The following NEK7 variants were observed in gnomAD, a reference collection of about 807,000 sequenced individuals.
NEK7 encodes NIMA related kinase 7.
Under a neutral mutation model 44.6 loss-of-function variants are expected in NEK7, and 18 were observed. That is an observed-to-expected ratio of 0.40 (90% CI 0.28 to 0.60). The LOEUF is 0.60. NEK7 is among the 20% of genes least tolerant of loss of function. The pLI is 0.38. For missense variants in NEK7, 256 were observed against 366.5 expected, an observed-to-expected ratio of 0.70 and a Z score of 2.46; for synonymous variants, 130 against 121.1, an observed-to-expected ratio of 1.07 and a Z score of -0.48.
intron 1 of NEK7, among the ~76,000 whole-genome samples, chr1:198,173,624 A>G (rs1664515763): frequency 1.3e-5 from 2 of 152,156 alleles, no homozygotes; most frequent in East Asian, 1.9e-4. Context: ...AGTATAGACC[A>G]TCTTTATGAC....
At chr1:198,278,536 C>T (rs538238711) in intron 6 of NEK7, among the ~76,000 whole-genome samples, 1 of 151,708 alleles carries the variant, frequency 6.6e-6, no homozygotes, top group African/African-American at 2.4e-5. Context: ...TTTTTAAAGC[C>T]ATCTAAGTAA....
At chr1:198,300,663 A>G (rs1654856312) in intron 9 of NEK7, among the ~76,000 whole-genome samples, 1 of 151,750 alleles carries the variant, frequency 6.6e-6, no homozygotes, top group Non-Finnish European at 1.5e-5. Context: ...TCTGCTGCTT[A>G]TCTGTATATC....
At chr1:198,172,595 G>A (rs1245755087) in intron 1 of NEK7, among the ~76,000 whole-genome samples, 1 of 152,190 alleles carries the variant, frequency 6.6e-6, no homozygotes, top group Non-Finnish European at 1.5e-5. Context: ...TCTTGGTGCT[G>A]AGACAGTCAG....
Position 198,233,735 on chromosome 1 carries a change from C to T in NEK7, c.57+1098C>T, listed in dbSNP as rs114901270. Among the ~76,000 whole-genome samples the T allele has an allele frequency of 9.1e-3, 1,251 of 136,844 alleles. 22 individuals carry two copies. Among genetic ancestry groups the T allele is most frequent in the African/African-American group, 0.033 (1,193 of 36,622 alleles). 89.8% of individuals were successfully genotyped at this position (136,844 alleles called of 152,430 possible). On this transcript the variant is annotated intron_variant, in intron 2 of 9. Coordinates refer to ENST00000367385, the MANE Select transcript of NEK7 (RefSeq NM_133494.3). ...TGTAGTGTTTTCCAAACTTATTTGT[C>T]TATGGGATCCTTTTTTTTTTTTTTT...
At chr1:198,256,202 T>G in intron 3 of NEK7, 1,398 of 1,105,032 alleles carry the variant, frequency 1.3e-3, no homozygotes, top group Non-Finnish European at 1.5e-3. Flanking sequence ...AAATTTTTAA[T>G]GAGATACCAT....
chr1:198,252,993 C>A, intron 2 of NEK7, 47 bp from the exon 3 acceptor site: 1 of 1,513,768 alleles, frequency 6.6e-7, no homozygotes, highest in Non-Finnish European at 9.1e-7. Flanking sequence ...GTGTGTATTG[C>A]GTGTATATTG....
At chr1:198,315,441 C>A (rs879859432) in intron 9 of NEK7, among the ~76,000 whole-genome samples, 13 of 152,198 alleles carry the variant, frequency 8.5e-5, no homozygotes, top group Non-Finnish European at 1.6e-4. Flanking sequence ...TGTTCCTATT[C>A]GGCCATCTTG....
At chr1:198,237,588 T>G (rs188946906) in intron 2 of NEK7, among the ~76,000 whole-genome samples, 5 of 152,308 alleles carry the variant, frequency 3.3e-5, no homozygotes, top group African/African-American at 1.2e-4. Context: ...ATTTAGAATT[T>G]GAGCACTTCT....
At chr1:198,308,765 C>T in intron 9 of NEK7, among the ~76,000 whole-genome samples, 2 of 152,124 alleles carry the variant, frequency 1.3e-5, no homozygotes, top group South Asian at 4.1e-4. Context: ...TGCATAAGTA[C>T]TTGCCATTGC....
In NEK7 at chr1:198,250,166, G is replaced by A. The variant is rs1250766683; in HGVS notation, c.58-2874G>A. 2.0e-5 allele frequency among the ~76,000 whole-genome samples: 3 copies of A among 150,164 alleles called. No homozygotes were observed. The South Asian group carries it at 6.4e-4, about 32-fold the overall frequency. On this transcript the variant is annotated intron_variant, in intron 2 of 9. Transcript: ENST00000367385. ...TTTCCCCATTGCTTGTTTTTCTCAG[G>A]TTTGTCAAAGATCAGATAGTTGTAG...
intron 5 of NEK7, among the ~76,000 whole-genome samples, chr1:198,269,070 T>C (rs1298555197): frequency 6.6e-6 from 1 of 152,100 alleles, no homozygotes; most frequent in Non-Finnish European, 1.5e-5. Flanking sequence ...TGTATTCATG[T>C]GTGTAATTAT....
chr1:198,219,047 T>A (rs1666009424), intron 1 of NEK7, among the ~76,000 whole-genome samples: 2 of 151,822 alleles, frequency 1.3e-5, no homozygotes, highest in South Asian at 4.1e-4. Flanking sequence ...ATCTAGTAAT[T>A]CCACTGATGG....
chr1:198,180,938 T>C (rs1664747042), intron 1 of NEK7, among the ~76,000 whole-genome samples: 1 of 152,056 alleles, frequency 6.6e-6, no homozygotes, highest in African/African-American at 2.4e-5. Flanking sequence ...CATAATATGA[T>C]TGACTTATTT....
intron 2 of NEK7, among the ~76,000 whole-genome samples, chr1:198,249,313 C>G (rs1242779607): frequency 6.6e-6 from 1 of 151,986 alleles, no homozygotes; most frequent in African/African-American, 2.4e-5. Flanking sequence ...GGGTTGGTTC[C>G]AAGTCTTTGC....
intron 2 of NEK7, among the ~76,000 whole-genome samples, chr1:198,252,567 TAA>T (rs1553253623): frequency 4.9e-4 from 25 of 50,992 alleles, no homozygotes; most frequent in African/African-American, 8.0e-4. Context: ...TATATATATA[TAA>T]AAAGTACATA....
At chr1:198,166,109 T>C (rs1478875003) in intron 1 of NEK7, among the ~76,000 whole-genome samples, 1 of 152,232 alleles carries the variant, frequency 6.6e-6, no homozygotes, top group Non-Finnish European at 1.5e-5. Flanking sequence ...TTTAAGGAAA[T>C]GTGACTGGTT....
chr1:198,315,779 G>A (rs189643975), intron 9 of NEK7, among the ~76,000 whole-genome samples: 3 of 152,206 alleles, frequency 2.0e-5, no homozygotes, highest in African/African-American at 4.8e-5. Flanking sequence ...AGGAAGAGCT[G>A]GTTGGGGAGA....
At chr1:198,201,922 G>A (rs1665441356) in intron 1 of NEK7, among the ~76,000 whole-genome samples, 1 of 152,186 alleles carries the variant, frequency 6.6e-6, no homozygotes, top group Non-Finnish European at 1.5e-5. Context: ...TTTGAGAATT[G>A]GGGAACCCTT....
chr1:198,236,423 A>G (rs989057638), intron 2 of NEK7, among the ~76,000 whole-genome samples: 2 of 152,176 alleles, frequency 1.3e-5, no homozygotes, highest in African/African-American at 2.4e-5. Context: ...GACTCTTGCT[A>G]TAGGTTAAAT....
Sources: gnomAD v4.1 joint callset for allele counts (sites outside exome capture counted in the v4.1 genomes callset) on GRCh38, gnomAD v4.1.1 for gene constraint, MANE v1.5 for transcripts, NCBI Gene and HGNC (gene_info 2026-07-23, HGNC 2026-07-21) for gene names.